KCNMA1: variants seen among roughly 807,000 people sequenced by gnomAD.
The protein encoded by KCNMA1 is Calcium-activated potassium channel subunit alpha-1.
KCNMA1 carries 29 observed loss-of-function variants against 140.0 expected under a neutral mutation model. The observed-to-expected ratio is 0.21, with a 90% CI of 0.15 to 0.28. KCNMA1 has a LOEUF of 0.28. Among genes scored for constraint, KCNMA1 ranks in the 10% least tolerant of loss-of-function variants. KCNMA1 has a pLI of 1.00. For synonymous variants in KCNMA1, 612 were observed against 611.9 expected, an observed-to-expected ratio of 1.00 and a Z score of 0.00; for missense variants, 880 against 1,602.2, an observed-to-expected ratio of 0.55 and a Z score of 7.70.
chr10:77,182,017 A>G (rs1377776774), intron 5 of KCNMA1, among the ~76,000 whole-genome samples: 2 of 152,220 alleles, frequency 1.3e-5, no homozygotes, highest in Non-Finnish European at 2.9e-5. Flanking sequence ...AATACTTGAC[A>G]CTAGGTATAT....
chr10:77,208,088 A>G (rs2044734538), intron 3 of KCNMA1, among the ~76,000 whole-genome samples: 1 of 152,250 alleles, frequency 6.6e-6, no homozygotes, highest in African/African-American at 2.4e-5. Flanking sequence ...GTTTCTGACA[A>G]GAAAAGTAGA....
At chr10:77,085,147 G>A (rs2096663214) in intron 11 of KCNMA1, among the ~76,000 whole-genome samples, 1 of 152,114 alleles carries the variant, frequency 6.6e-6, no homozygotes, top group Non-Finnish European at 1.5e-5. Context: ...CTGAGTATTG[G>A]GGATTCAGAA....
At chr10:77,092,843 CCT>C (rs2096846780) in intron 9 of KCNMA1, among the ~76,000 whole-genome samples, 1 of 152,208 alleles carries the variant, frequency 6.6e-6, no homozygotes. Context: ...ATCTCCTCCT[CCT>C]CTCTGAAATC....
intron 5 of KCNMA1, among the ~76,000 whole-genome samples, chr10:77,166,011 A>T (rs1208227873): frequency 6.6e-6 from 1 of 152,090 alleles, no homozygotes; most frequent in Non-Finnish European, 1.5e-5. Flanking sequence ...TCTGCGGGCT[A>T]TGGGAGGAGG....
intron 2 of KCNMA1, among the ~76,000 whole-genome samples, chr10:77,328,839 T>G (rs962037616): frequency 1.3e-5 from 2 of 152,074 alleles, no homozygotes; most frequent in Admixed American, 6.6e-5. Flanking sequence ...GTTTTTGTTT[T>G]TGTTTTATTT....
At chr10:77,199,876 T>C (rs1490176867) in intron 3 of KCNMA1, among the ~76,000 whole-genome samples, 1 of 152,182 alleles carries the variant, frequency 6.6e-6, no homozygotes, top group Non-Finnish European at 1.5e-5. Flanking sequence ...GAAGCATCTG[T>C]GTGCCCTGGA....
chr10:77,037,536 C>G (rs888115029), intron 15 of KCNMA1, among the ~76,000 whole-genome samples: 5 of 152,090 alleles, frequency 3.3e-5, no homozygotes, highest in Non-Finnish European at 7.4e-5. Context: ...ATAAGAGGAA[C>G]GGACTCAGTT....
intron 3 of KCNMA1, among the ~76,000 whole-genome samples, chr10:77,231,962 G>A (rs895497865): frequency 6.6e-6 from 1 of 152,184 alleles, no homozygotes. Context: ...CACAAGCAAG[G>A]AGTCAGTAAT....
rs183620217 is a variant in KCNMA1, at chr10:76,947,100, C to T, written c.2709+2042G>A. On this transcript the variant is annotated intron_variant, in intron 22 of 27. Transcript: ENST00000286628. ...CTGTAATCCCAGCACTTTGGGAGGC[C>T]GAGGTGGGTGGATCACCTGAGGTCA... 7.6e-3 allele frequency among the ~76,000 whole-genome samples: 1,149 copies of T among 152,090 alleles called. 14 individuals are homozygous for T. The highest frequency in any genetic ancestry group is 0.025 in the African/African-American group (1,051 of 41,462).
intron 5 of KCNMA1, among the ~76,000 whole-genome samples, chr10:77,178,899 T>G (rs1215338025): frequency 6.6e-6 from 1 of 152,188 alleles, no homozygotes; most frequent in African/African-American, 2.4e-5. Flanking sequence ...TTTGGATTTG[T>G]AAGGGAAACA....
chr10:77,217,294 C>CAA (rs549072905), intron 3 of KCNMA1, among the ~76,000 whole-genome samples: 4 of 112,696 alleles, frequency 3.5e-5, no homozygotes, highest in African/African-American at 9.9e-5. Flanking sequence ...GACTCTGTCT[C>CAA]AAAAAAAAAA....
chr10:77,526,790 G>A (rs1367392026), intron 1 of KCNMA1, among the ~76,000 whole-genome samples: 1 of 152,028 alleles, frequency 6.6e-6, no homozygotes, highest in African/African-American at 2.4e-5. Context: ...ATAGATTTCA[G>A]CAAAATAACA....
chr10:77,632,635 T>C (rs1252857353), intron 1 of KCNMA1, among the ~76,000 whole-genome samples: 7 of 152,234 alleles, frequency 4.6e-5, no homozygotes, highest in African/African-American at 1.7e-4. Context: ...TGACTCTAAA[T>C]GGTTTTTTGA....
At chr10:77,606,533 T>C (rs1189871810) in intron 1 of KCNMA1, among the ~76,000 whole-genome samples, 1 of 152,090 alleles carries the variant, frequency 6.6e-6, no homozygotes, top group East Asian at 1.9e-4. Context: ...TCACTTGAGC[T>C]CAGGAGTTCA....
At chr10:77,025,942 A>C (rs2093407359) in intron 16 of KCNMA1, among the ~76,000 whole-genome samples, 1 of 151,470 alleles carries the variant, frequency 6.6e-6, no homozygotes, top group South Asian at 2.1e-4. Context: ...AACTGCACAA[A>C]GAAAGCCCAA....
At chr10:77,528,944 C>T (rs1279130365) in intron 1 of KCNMA1, among the ~76,000 whole-genome samples, 1 of 152,124 alleles carries the variant, frequency 6.6e-6, no homozygotes, top group African/African-American at 2.4e-5. Flanking sequence ...GAGGAGAGAA[C>T]GGCAGTGACT....
At chr10:76,977,582 A>G (rs1222708601) in intron 19 of KCNMA1, 2 of 702,900 alleles carry the variant, frequency 2.8e-6, no homozygotes, top group Admixed American at 2.0e-5. Context: ...CAGTAGTTTA[A>G]TCTTCTCACA....
At position 77,010,297 on chromosome 10, in the gene KCNMA1, G is replaced by A. The variant is rs151137504; in HGVS notation, c.2092+1670C>T. 3.0e-3 allele frequency among the ~76,000 whole-genome samples: 460 copies of A among 152,154 alleles called. 3 individuals carry two copies. The highest frequency in any genetic ancestry group is 7.6e-3 in the African/African-American group (317 of 41,512). On this transcript the variant is annotated intron_variant, in intron 18 of 27. Coordinates refer to ENST00000286628, the MANE Select transcript of KCNMA1 (RefSeq NM_001161352.2). ...CAGGAGATGTCTGGTCAACTCATCCGTGCTGCTGTGTCCACAACCAACTAA... is the reference window on the plus strand; with the variant it reads ...CAGGAGATGTCTGGTCAACTCATCCATGCTGCTGTGTCCACAACCAACTAA...
intron 1 of KCNMA1, among the ~76,000 whole-genome samples, chr10:77,615,672 G>A (rs1356873103): frequency 6.6e-6 from 1 of 152,056 alleles, no homozygotes; most frequent in Admixed American, 6.5e-5. Flanking sequence ...TTCCTATAGT[G>A]GTATAGGGGT....
Sources: gnomAD v4.1 joint callset for allele counts (sites outside exome capture counted in the v4.1 genomes callset) on GRCh38, gnomAD v4.1.1 for gene constraint, MANE v1.5 for transcripts, NCBI Gene and HGNC (gene_info 2026-07-23, HGNC 2026-07-21) for gene names.